Variants in HERC3 observed in about 807,000 individuals in gnomAD.
HERC3 encodes the protein probable E3 ubiquitin-protein ligase HERC3.
HERC3 carries 58 observed loss-of-function variants against 129.9 expected under a neutral mutation model. The ratio of observed to expected loss-of-function variants is 0.45; its 90% CI spans 0.36 to 0.56. The LOEUF (loss-of-function observed/expected upper bound fraction) is 0.56. Ranked by LOEUF, HERC3 falls within the 20% of genes least tolerant of loss-of-function variation. The probability of loss-of-function intolerance (pLI) is 0.00; values close to 1 mark genes in which losing one functional copy is unlikely to be tolerated. For synonymous variants in HERC3, 430 were observed against 451.0 expected, an observed-to-expected ratio of 0.95 and a Z score of 0.59; for missense variants, 835 against 1,244.2, an observed-to-expected ratio of 0.67 and a Z score of 4.95.
chr4:88,612,832 A>C (rs1199068558), intron 3 of HERC3, among the ~76,000 whole-genome samples: 2 of 152,092 alleles, frequency 1.3e-5, no homozygotes, highest in African/African-American at 4.8e-5. Flanking sequence ...AACAAAACAT[A>C]AGCTTTTTTT....
At chr4:88,626,972 G>A (rs1353309408) in intron 3 of HERC3, among the ~76,000 whole-genome samples, 1 of 151,894 alleles carries the variant, frequency 6.6e-6, no homozygotes, top group African/African-American at 2.4e-5. Flanking sequence ...TAGTTTCTTA[G>A]TGTGGAAACC....
chr4:88,603,511 G>A (rs17014249), intron 2 of HERC3, among the ~76,000 whole-genome samples: 11,442 of 151,902 alleles, frequency 0.075, 678 homozygotes, highest in South Asian at 0.23. Flanking sequence ...CCGGCCAATC[G>A]CTCTCTCTTA....
chr4:88,657,353 A>G (rs1730019785), intron 9 of HERC3: 1 of 152,232 alleles, frequency 6.6e-6, no homozygotes, highest in Non-Finnish European at 1.5e-5. Context: ...TGGAATGGAT[A>G]TATGAGCATC....
At chr4:88,550,613 C>T in the HERC3 span, among the ~76,000 whole-genome samples, 10 of 152,096 alleles carry the variant, frequency 6.6e-5, no homozygotes, top group South Asian at 4.1e-4. Flanking sequence ...AACTACAAAC[C>T]GCTGCTCAAT....
chr4:88,648,256 T>C (rs1728908301), intron 3 of HERC3, among the ~76,000 whole-genome samples: 1 of 152,226 alleles, frequency 6.6e-6, no homozygotes, highest in Non-Finnish European at 1.5e-5. Context: ...GTAGGCATGC[T>C]ACATAGCTGT....
chr4:88,553,753 GTCTTGATC>G, the HERC3 span, among the ~76,000 whole-genome samples: 1 of 152,110 alleles, frequency 6.6e-6, no homozygotes, highest in Non-Finnish European at 1.5e-5. Flanking sequence ...GGCCAGAATG[GTCTTGATC>G]TCTTGACATC....
chr4:88,592,950 A>C (rs1359245644), intron 1 of HERC3, among the ~76,000 whole-genome samples: 1 of 152,122 alleles, frequency 6.6e-6, no homozygotes, highest in African/African-American at 2.4e-5. Flanking sequence ...GAAAGTCAAA[A>C]GGAGGATAGT....
intron 3 of HERC3, among the ~76,000 whole-genome samples, chr4:88,648,516 C>T (rs1313554799): frequency 1.3e-5 from 2 of 152,174 alleles, no homozygotes; most frequent in Non-Finnish European, 2.9e-5. Context: ...GGCATCCCTC[C>T]ATTGTCTTAC....
At chr4:88,624,683 C>T (rs904966727) in intron 3 of HERC3, among the ~76,000 whole-genome samples, 2 of 152,106 alleles carry the variant, frequency 1.3e-5, no homozygotes, top group Non-Finnish European at 2.9e-5. Flanking sequence ...CTTAACAGTG[C>T]GTTTTGAAGA....
intron 3 of HERC3, among the ~76,000 whole-genome samples, chr4:88,626,952 G>A (rs866761989): frequency 2.0e-5 from 3 of 151,650 alleles, no homozygotes; most frequent in Admixed American, 6.6e-5. Flanking sequence ...TTAATTTACC[G>A]TATTGTTTCT....
At chr4:88,704,643 C>T in intron 25 of HERC3, 33 bp downstream of exon 25, 1 of 1,347,270 alleles carries the variant, frequency 7.4e-7, no homozygotes, top group South Asian at 1.2e-5. Flanking sequence ...TGGTATTTGT[C>T]TACATTTTAG....
At chr4:88,631,315 C>T (rs756165638) in intron 3 of HERC3, among the ~76,000 whole-genome samples, 18 of 151,972 alleles carry the variant, frequency 1.2e-4, no homozygotes, top group Non-Finnish European at 1.8e-4. Context: ...ATTAGCCAGG[C>T]GTTGTGGTGT....
At chr4:88,531,962 CCT>C in the HERC3 span, among the ~76,000 whole-genome samples, 1 of 152,146 alleles carries the variant, frequency 6.6e-6, no homozygotes, top group Non-Finnish European at 1.5e-5. Flanking sequence ...GAAGCAGCCC[CCT>C]GTTTCTGCTT....
intron 23 of HERC3, chr4:88,696,029 T>C (rs1734566857): frequency 1.3e-5 from 2 of 152,460 alleles, no homozygotes; most frequent in African/African-American, 4.8e-5. Flanking sequence ...AAGCTAAGAG[T>C]CTTTACATTA....
At chr4:88,664,674 A>C (rs1240459016) in intron 12 of HERC3, among the ~76,000 whole-genome samples, 2 of 152,150 alleles carry the variant, frequency 1.3e-5, no homozygotes, top group African/African-American at 4.8e-5. Context: ...GATGTGTCAT[A>C]ATTCTAAATT....
the HERC3 span, among the ~76,000 whole-genome samples, chr4:88,539,879 A>G: frequency 6.6e-6 from 1 of 152,230 alleles, no homozygotes; most frequent in African/African-American, 2.4e-5. Context: ...ACAAACAGAA[A>G]GGAATAGCAT....
chr4:88,639,865 A>C (rs1257886588), intron 3 of HERC3, among the ~76,000 whole-genome samples: 1 of 152,188 alleles, frequency 6.6e-6, no homozygotes, highest in African/African-American at 2.4e-5. Context: ...AGAATCTACA[A>C]GGAACTTAAA....
intron 23 of HERC3, chr4:88,697,153 C>A: frequency 6.9e-7 from 1 of 1,453,288 alleles, no homozygotes; most frequent in Non-Finnish European, 9.1e-7. Context: ...CTGGGAAAAA[C>A]AAAACCAGGC....
At chr4:88,704,770 A>G (rs4084599) in intron 25 of HERC3, among the ~76,000 whole-genome samples, 160 bp downstream of exon 25, 27,421 of 152,090 alleles carry the variant, frequency 0.18, 2,607 homozygotes, top group Admixed American at 0.24. Flanking sequence ...CTCAGGCACA[A>G]TATAGGTTGT....
Sources: allele counts gnomAD v4.1 joint callset (sites outside exome capture counted in the v4.1 genomes callset), GRCh38; gene constraint gnomAD v4.1.1; transcripts MANE v1.5; gene names NCBI Gene and HGNC (gene_info 2026-07-23, HGNC 2026-07-21).